Variants in IPO5 observed in about 807,000 individuals in gnomAD.
IPO5 encodes the protein importin 5, also known as importin-5.
IPO5 carries 18 observed loss-of-function variants against 143.3 expected under a neutral mutation model. The ratio of observed to expected loss-of-function variants is 0.13; its 90% CI spans 0.09 to 0.19. The LOEUF (loss-of-function observed/expected upper bound fraction) is 0.19, where lower values mean the gene tolerates loss of function less well. IPO5 is among the 10% of genes least tolerant of loss of function. The pLI is 1.00. For synonymous variants in IPO5, 477 were observed against 465.7 expected (o/e 1.02, Z -0.31); for missense variants, 1,013 against 1,336.9 (o/e 0.76, Z 3.78).
intron 3 of IPO5, among the ~76,000 whole-genome samples, chr13:97,976,309 C>G (rs2139596027): frequency 6.6e-6 from 1 of 151,852 alleles, no homozygotes; most frequent in Middle Eastern, 3.4e-3. Flanking sequence ...GACCCCGACC[C>G]CGATCCCAGC....
chr13:98,015,381 A>G, intron 22 of IPO5, 149 bp from the exon 23 acceptor site: 1 of 600,914 alleles, frequency 1.7e-6, no homozygotes, highest in South Asian at 2.2e-5. Flanking sequence ...AAATGCTGTC[A>G]TTCTAACAAA....
chr13:97,961,195 G>C (rs1338856538), intron 2 of IPO5, among the ~76,000 whole-genome samples: 2 of 152,206 alleles, frequency 1.3e-5, no homozygotes, highest in Non-Finnish European at 2.9e-5. Flanking sequence ...TCCTTGTATA[G>C]TTAGAAGACA....
chr13:97,962,627 G>T (rs576845463), intron 2 of IPO5, among the ~76,000 whole-genome samples: 1 of 152,204 alleles, frequency 6.6e-6, no homozygotes, highest in Non-Finnish European at 1.5e-5. Context: ...GACCAGCCTG[G>T]CCAACATGGT....
chr13:97,969,870 G>A (rs775827630), intron 3 of IPO5, 40 bp downstream of exon 3: 2 of 1,524,890 alleles, frequency 1.3e-6, no homozygotes, highest in East Asian at 2.3e-5. Context: ...TTCCTGTTTT[G>A]TTTTTTTTAA....
intron 9 of IPO5, 61 bp downstream of exon 9, chr13:97,990,598 A>G (rs758098410): frequency 1.9e-5 from 17 of 902,516 alleles, no homozygotes; most frequent in South Asian, 4.6e-5. Flanking sequence ...AATGCATTCA[A>G]TCATTTATGC....
Position 97,993,231 on chromosome 13 carries a change from T to G in IPO5, c.913+6T>G. 2 of 1,612,814 alleles carry G rather than the reference T, an allele frequency of 1.2e-6. No individual in the cohort carries two copies. The highest frequency in any genetic ancestry group is 2.2e-5 in the South Asian group (2 of 90,722). ...CAATATTGTTGCACAGACTAGTAAG[T>G]CAATGGTCTTCAGATAGTTTATGTG... is the stretch of plus-strand genomic sequence containing the variant. On this transcript the variant is annotated splice_donor_region_variant and intron_variant, in intron 11 of 28. Coordinates refer to ENST00000651721, the MANE Select transcript of IPO5 (RefSeq NM_002271.6).
chr13:98,015,242 T>TTTGTG (rs1555311876), intron 22 of IPO5, among the ~76,000 whole-genome samples: 7 of 147,724 alleles, frequency 4.7e-5, no homozygotes, highest in Non-Finnish European at 1.0e-4. Context: ...TAGGAGCTGG[T>TTTGTG]TGTGTGTGTG....
chr13:97,994,126 C>A (rs1405691870), intron 11 of IPO5, among the ~76,000 whole-genome samples: 1 of 152,092 alleles, frequency 6.6e-6, no homozygotes, highest in Non-Finnish European at 1.5e-5. Context: ...GGCTAACATG[C>A]TAAAACCCCG....
At chr13:97,987,197 GT>G in intron 6 of IPO5, 1 of 163,114 alleles carries the variant, frequency 6.1e-6, no homozygotes. Flanking sequence ...GGTGTCTTGG[GT>G]TTTGTCCCAC....
intron 3 of IPO5, among the ~76,000 whole-genome samples, chr13:97,970,669 T>G (rs1433994930): frequency 6.6e-6 from 1 of 152,088 alleles, no homozygotes; most frequent in African/African-American, 2.4e-5. Context: ...CATATTTCAA[T>G]TGGTCAACAG....
rs1162381392 is a variant in IPO5, at chr13:97,985,728, T to C, written c.364+115T>C. 10 of 709,644 alleles carry C rather than the reference T, an allele frequency of 1.4e-5. No homozygotes were observed. The Admixed American group carries it at 2.2e-4, about 16-fold the overall frequency. 44.0% of individuals were successfully genotyped at this position (709,644 alleles called of 1,614,324 possible). On this transcript the variant is annotated intron_variant, in intron 6 of 28. Coordinates refer to ENST00000651721, the MANE Select transcript of IPO5 (RefSeq NM_002271.6). ...ATAAGTACCTGAGTACCATTTATTC[T>C]GTTTAAAATGAATGTGCTTATGGAT...
intron 2 of IPO5, among the ~76,000 whole-genome samples, chr13:97,955,778 C>G (rs1884412378): frequency 6.6e-6 from 1 of 152,156 alleles, no homozygotes; most frequent in African/African-American, 2.4e-5. Flanking sequence ...CAGTCAGGAT[C>G]CCCTCATCCC....
intron 25 of IPO5, among the ~76,000 whole-genome samples, chr13:98,017,342 G>T (rs1467524197): frequency 6.6e-6 from 1 of 150,580 alleles, no homozygotes; most frequent in African/African-American, 2.4e-5. Flanking sequence ...TTGTTTGTTT[G>T]TTTTTCTCAA....
In IPO5 at chr13:97,980,414, A is replaced by G. The variant is rs528815302; in HGVS notation, c.91-2089A>G. ...GGAGTAGAGTTTAATATTTGGCCCA[A>G]TGTTAAGTTGGGTCAATTGTTAAGT... On this transcript the variant is annotated intron_variant, in intron 4 of 28. Coordinates refer to ENST00000651721, the MANE Select transcript of IPO5 (RefSeq NM_002271.6). Among the ~76,000 whole-genome samples, 353 of 152,282 alleles carry G rather than the reference A, an allele frequency of 2.3e-3. 2 individuals are homozygous for G. Among genetic ancestry groups the G allele is most frequent in the Non-Finnish European group, 3.8e-3 (258 of 68,022 alleles).
rs1182874766 is a variant in IPO5, at chr13:98,019,788, A to G, written c.3044A>G (p.Tyr1015Cys). 2 of 1,611,962 alleles carry G rather than the reference A, an allele frequency of 1.2e-6. No individual in the cohort carries two copies. The highest frequency in any genetic ancestry group is 1.7e-5 in the Admixed American group (1 of 60,024). The change falls in exon 27 of 29, where the codon TAT (tyrosine) becomes TGT (cysteine). Residue 1015 changes from tyrosine to cysteine, a missense_variant. Physicochemically the swap from Tyr to Cys is radical, Grantham distance 194. This residue lies in a region of IPO5 where 685 missense variants were observed against 994.9 expected (regional missense o/e 0.69). Coordinates refer to ENST00000651721, the MANE Select transcript of IPO5 (RefSeq NM_002271.6). ...GAAGAAGCTGTTCAGACTTTCAATT[A>G]TCTGTGTGACCTGATTGAAAGGTAG... is the stretch of plus-strand genomic sequence containing the variant. ...DKEEAVQTFN[Y>C]LCDLIESNHP...
chr13:98,006,733 A>G (rs1202497103), intron 17 of IPO5, among the ~76,000 whole-genome samples: 1 of 151,990 alleles, frequency 6.6e-6, no homozygotes, highest in East Asian at 1.9e-4. Context: ...CATTGAGAGT[A>G]CTAGAGGGAT....
chr13:97,957,391 C>A (rs1173461036), intron 2 of IPO5, among the ~76,000 whole-genome samples: 2 of 151,836 alleles, frequency 1.3e-5, no homozygotes, highest in Non-Finnish European at 2.9e-5. Context: ...TTTGTAGAGA[C>A]AAGGTTTCAC....
intron 2 of IPO5, among the ~76,000 whole-genome samples, chr13:97,968,969 G>A (rs902250093): frequency 2.0e-5 from 3 of 151,436 alleles, no homozygotes; most frequent in South Asian, 2.1e-4. Flanking sequence ...GATTACAGGC[G>A]CCTGCCACTA....
intron 26 of IPO5, among the ~76,000 whole-genome samples, chr13:98,018,971 CTT>C (rs35835887): frequency 5.4e-5 from 8 of 148,944 alleles, no homozygotes; most frequent in African/African-American, 9.9e-5. Context: ...TAGAATAGGA[CTT>C]TTTTTTTTTT....
Sources: gnomAD v4.1 joint callset for allele counts (sites outside exome capture counted in the v4.1 genomes callset) on GRCh38, gnomAD v4.1.1 for gene constraint, gnomAD v4.1.1 regional missense constraint, MANE v1.5 for transcripts, NCBI Gene and HGNC (gene_info 2026-07-23, HGNC 2026-07-21) for gene names.